IPO11: variants seen among roughly 807,000 people sequenced by gnomAD.
IPO11 encodes the protein importin 11, also known as importin-11.
In IPO11, 66 loss-of-function variants were observed where a neutral mutation model predicts 143.2. The observed-to-expected ratio is 0.46, with a 90% CI of 0.38 to 0.57. The LOEUF (loss-of-function observed/expected upper bound fraction) is 0.57. Among genes scored for constraint, IPO11 ranks in the 20% least tolerant of loss-of-function variants. The pLI, the probability that IPO11 is intolerant of heterozygous loss-of-function variation, is 0.00. For missense variants in IPO11, 1,026 were observed against 1,141.0 expected, an observed-to-expected ratio of 0.90 and a Z score of 1.45; for synonymous variants, 385 against 377.8, an observed-to-expected ratio of 1.02 and a Z score of -0.22.
At chr5:62,577,626 A>G (rs1211968747) in intron 27 of IPO11, among the ~76,000 whole-genome samples, 1 of 152,128 alleles carries the variant, frequency 6.6e-6, no homozygotes, top group Non-Finnish European at 1.5e-5. Context: ...TTTTTAATGC[A>G]TAAAATAGCA....
intron 1 of IPO11, among the ~76,000 whole-genome samples, chr5:62,420,985 C>T (rs572219659): frequency 3.3e-5 from 5 of 152,268 alleles, no homozygotes; most frequent in African/African-American, 9.6e-5. Context: ...AATAGATATT[C>T]CCAGTAGCAG....
chr5:62,423,652 T>C (rs547123362), intron 1 of IPO11, among the ~76,000 whole-genome samples: 2 of 152,342 alleles, frequency 1.3e-5, no homozygotes, highest in East Asian at 3.9e-4. Context: ...TTAACAATTA[T>C]CAACTTCATT....
At chr5:62,527,579 A>G (rs765435675) in intron 21 of IPO11, among the ~76,000 whole-genome samples, 17 of 152,202 alleles carry the variant, frequency 1.1e-4, no homozygotes, top group Non-Finnish European at 1.8e-4. Context: ...AAAATCCAAT[A>G]TTAAAGAGAT....
At chr5:62,490,050 C>T (rs1175940500) in intron 14 of IPO11, 65 bp from the exon 15 acceptor site, 2 of 842,020 alleles carry the variant, frequency 2.4e-6, no homozygotes, top group Non-Finnish European at 3.6e-6. Flanking sequence ...ACATATGTTT[C>T]ATACACTCAT....
At chr5:62,505,761 A>C (rs1741534384) in intron 18 of IPO11, among the ~76,000 whole-genome samples, 1 of 152,096 alleles carries the variant, frequency 6.6e-6, no homozygotes, top group Non-Finnish European at 1.5e-5. Context: ...TTATATCTAT[A>C]AAAATATATA....
intron 28 of IPO11, among the ~76,000 whole-genome samples, chr5:62,596,136 C>T (rs1418922597): frequency 6.6e-6 from 1 of 150,494 alleles, no homozygotes; most frequent in Non-Finnish European, 1.5e-5. Flanking sequence ...AGGCACATGC[C>T]TTTAGTCCCT....
chr5:62,428,535 A>G (rs1475757276), intron 1 of IPO11, among the ~76,000 whole-genome samples: 1 of 151,328 alleles, frequency 6.6e-6, no homozygotes. Context: ...GTAGAGACGG[A>G]GTTTCACCAT....
At chr5:62,580,194 C>G (rs1229197153) in intron 27 of IPO11, 1 of 1,550,958 alleles carries the variant, frequency 6.4e-7, no homozygotes, top group African/African-American at 1.4e-5. Context: ...AAGGACTTGC[C>G]AATCTGGAAT....
chr5:62,609,027 A>G (rs1424319404), intron 29 of IPO11, among the ~76,000 whole-genome samples: 1 of 152,200 alleles, frequency 6.6e-6, no homozygotes, highest in African/African-American at 2.4e-5. Flanking sequence ...ATTTTTATTC[A>G]GAAAGTCAGC....
At position 62,489,393 on chromosome 5, in the gene IPO11, A is replaced by C. The variant is rs759262949; in HGVS notation, c.1357+44A>C. The stretch of plus-strand genomic sequence containing the variant: ...ATTTAGAAGCATTTATTTATTCAGT[A>C]GATGGAGAGTCTGTTTTGTGGTAGA... On this transcript the variant is annotated intron_variant, in intron 14 of 29. Coordinates refer to ENST00000325324, the MANE Select transcript of IPO11 (RefSeq NM_016338.5). 6 of 1,335,354 alleles carry C rather than the reference A, an allele frequency of 4.5e-6. No individual in the cohort carries two copies. In the South Asian group the frequency reaches 8.1e-5, roughly 18 times the overall value. The allele number at this position is 1,335,354 out of a possible 1,614,324, so 82.7% of individuals were successfully genotyped here.
chr5:62,486,452 G>T (rs539101354), intron 12 of IPO11, among the ~76,000 whole-genome samples: 2 of 152,122 alleles, frequency 1.3e-5, no homozygotes, highest in Admixed American at 1.3e-4. Context: ...GTTTCTTTTG[G>T]TATGTTATTT....
intron 16 of IPO11, among the ~76,000 whole-genome samples, chr5:62,503,629 C>T (rs1741437244): frequency 6.6e-6 from 1 of 151,930 alleles, no homozygotes; most frequent in Admixed American, 6.6e-5. Context: ...GATCAAGTGG[C>T]AGCAAATTTG....
intron 5 of IPO11, 78 bp from the exon 6 acceptor site, chr5:62,467,053 A>G (rs35119): frequency 0.48 from 624,098 of 1,306,038 alleles, 151,709 homozygotes; most frequent in South Asian, 0.53. Flanking sequence ...TAAAACTAAA[A>G]TATATTACTT....
intron 16 of IPO11, among the ~76,000 whole-genome samples, chr5:62,501,173 G>A (rs1741333561): frequency 6.6e-6 from 1 of 152,012 alleles, no homozygotes; most frequent in African/African-American, 2.4e-5. Context: ...ACTCTTGTGC[G>A]TTTTATGGGT....
intron 27 of IPO11, chr5:62,580,911 T>G: frequency 6.4e-7 from 1 of 1,551,372 alleles, no homozygotes; most frequent in Non-Finnish European, 8.7e-7. Context: ...TTACTACTTC[T>G]GTTACCTTGA....
rs531897068 is a variant in IPO11, at chr5:62,449,473, A to G, written c.240-454A>G. On this transcript the variant is annotated intron_variant, in intron 3 of 29. Coordinates refer to ENST00000325324, the MANE Select transcript of IPO11 (RefSeq NM_016338.5). Reference sequence around the variant, plus strand: ...CACACAGATTTTATGAAAGAAGCCAATGGAGTGGCAATATTTACTTGTATA... The same window carrying G: ...CACACAGATTTTATGAAAGAAGCCAGTGGAGTGGCAATATTTACTTGTATA... Among the ~76,000 whole-genome samples, 7 of 151,984 alleles carry G rather than the reference A, an allele frequency of 4.6e-5. No individual in the cohort carries two copies. The South Asian group carries it at 8.3e-4, about 18-fold the overall frequency.
At chr5:62,580,976 C>T (rs181400492) in intron 27 of IPO11, 5 of 1,551,112 alleles carry the variant, frequency 3.2e-6, no homozygotes, top group East Asian at 2.4e-5. Flanking sequence ...TCAGGGAAAA[C>T]ATCTCTAATT....
chr5:62,513,424 C>CA (rs1554052731), intron 19 of IPO11, among the ~76,000 whole-genome samples: 1 of 134,624 alleles, frequency 7.4e-6, no homozygotes, highest in Non-Finnish European at 1.6e-5. Context: ...ACCCCCCCCC[C>CA]ACCTCCCTCC....
intron 27 of IPO11, among the ~76,000 whole-genome samples, chr5:62,570,951 G>T (rs967448535): frequency 2.6e-5 from 4 of 152,262 alleles, no homozygotes; most frequent in African/African-American, 7.2e-5. Context: ...TGAGAGTGAG[G>T]TATTGGGTCC....
Sources: allele counts gnomAD v4.1 joint callset (sites outside exome capture counted in the v4.1 genomes callset), GRCh38; gene constraint gnomAD v4.1.1; transcripts MANE v1.5; gene names NCBI Gene and HGNC (gene_info 2026-07-23, HGNC 2026-07-21).